Variants in RB1CC1 observed in about 807,000 individuals in gnomAD.
RB1CC1 encodes RB1-inducible coiled-coil protein 1.
A neutral mutation model predicts 177.5 loss-of-function variants in RB1CC1; 46 were observed. The observed-to-expected ratio is 0.26, with a 90% confidence interval of 0.20 to 0.33. The LOEUF is 0.33. RB1CC1 is among the 10% of genes least tolerant of loss of function. The pLI is 1.00. For missense variants in RB1CC1, 1,703 were observed against 1,816.3 expected, an observed-to-expected ratio of 0.94 and a Z score of 1.13; for synonymous variants, 666 against 613.6, an observed-to-expected ratio of 1.09 and a Z score of -1.26.
rs1563353299 is a variant in RB1CC1, at chr8:52,634,944, T to C, written c.4417A>G (p.Asn1473Asp). The C allele has an allele frequency of 1.2e-6, 2 of 1,609,886 alleles. No individual in the cohort carries two copies. The highest frequency in any genetic ancestry group is 8.5e-7 in the Non-Finnish European group (1 of 1,177,666). ...ACCAGTCTTTGATTTAACCGTTTATTTTCTTCTTCTTTCAATTGCAATGTC... is the reference window on the plus strand; with the variant it reads ...ACCAGTCTTTGATTTAACCGTTTATCTTCTTCTTCTTTCAATTGCAATGTC... ...ERTLQLKEEE[N>D]KRLNQRLMSQ... is the part of the protein sequence containing the mutation. The change falls in exon 20 of 24, where the codon AAT (asparagine) becomes GAT (aspartate). Residue 1473 changes from asparagine to aspartate, a missense_variant. Around this residue, in one of 6 missense-constraint regions of RB1CC1, gnomAD observed 1,169 missense variants for 1,184.7 expected, o/e 0.99. Transcript: ENST00000025008.
At chr8:52,634,870 G>A (rs1849010140) in intron 20 of RB1CC1, 51 bp downstream of exon 20, 1 of 1,401,090 alleles carries the variant, frequency 7.1e-7, no homozygotes, top group East Asian at 2.3e-5. Flanking sequence ...GAAATATAAT[G>A]CAAATCATTT....
chr8:52,703,334 C>A (rs1397413717), intron 1 of RB1CC1, among the ~76,000 whole-genome samples: 1 of 152,076 alleles, frequency 6.6e-6, no homozygotes, highest in Non-Finnish European at 1.5e-5. Context: ...CAGATGACAC[C>A]ACCAACTACA....
intron 1 of RB1CC1, among the ~76,000 whole-genome samples, chr8:52,696,954 G>A (rs1028843112): frequency 5.9e-5 from 9 of 152,106 alleles, no homozygotes; most frequent in African/African-American, 2.2e-4. Context: ...AGTGAGCCAA[G>A]ATCACACCAC....
chr8:52,642,565 G>C lies in RB1CC1; in HGVS notation c.4123C>G (p.Arg1375Gly). 4.3e-6 allele frequency: 7 copies of C among 1,613,730 alleles called. No individual in the cohort carries two copies. Among genetic ancestry groups the C allele is most frequent in the Non-Finnish European group, 5.9e-6 (7 of 1,179,920 alleles). ...KDLIESLSED[R>G]ARLLEEKKKL... ...TTCTTTTCCTCAAGCAAACGAGCTC[G>C]ATCTTCAGAAAGTGACTCTATCAAA... The change falls in exon 18 of 24, where the codon CGA becomes GGA. Residue 1375 changes from arginine (R) to glycine (G), a missense_variant. Transcript: ENST00000025008.
chr8:52,697,229 G>C (rs549165345), intron 1 of RB1CC1, among the ~76,000 whole-genome samples: 9 of 145,878 alleles, frequency 6.2e-5, no homozygotes, highest in African/African-American at 2.0e-4. Flanking sequence ...ACATTATGAT[G>C]AATCAGTTAA....
chr8:52,702,673 G>T (rs1856186634), intron 1 of RB1CC1, among the ~76,000 whole-genome samples: 1 of 152,036 alleles, frequency 6.6e-6, no homozygotes, highest in South Asian at 2.1e-4. Flanking sequence ...CCGAGAGCAT[G>T]CCACTGCATT....
intron 1 of RB1CC1, among the ~76,000 whole-genome samples, chr8:52,708,115 A>G (rs977875142): frequency 2.0e-5 from 3 of 152,212 alleles, no homozygotes; most frequent in Admixed American, 2.0e-4. Context: ...TTTTTGTAGC[A>G]GTATCATCAA....
chr8:52,691,742 A>G (rs1352110764), intron 1 of RB1CC1, among the ~76,000 whole-genome samples: 1 of 152,186 alleles, frequency 6.6e-6, no homozygotes, highest in Non-Finnish European at 1.5e-5. Flanking sequence ...GCCAGCTACC[A>G]AAAGTCTACC....
intron 21 of RB1CC1, among the ~76,000 whole-genome samples, chr8:52,629,683 A>G (rs148940889): frequency 4.6e-5 from 7 of 152,334 alleles, no homozygotes; most frequent in Admixed American, 3.9e-4. Flanking sequence ...CAAGCCTGCT[A>G]CCTGGAGGCT....
intron 1 of RB1CC1, among the ~76,000 whole-genome samples, chr8:52,690,859 C>T (rs184739467): frequency 1.1e-3 from 165 of 152,272 alleles, no homozygotes; most frequent in African/African-American, 3.9e-3. Flanking sequence ...TCTCCACATA[C>T]GTATACACAC....
chr8:52,640,052 A>G (rs1218186354), intron 18 of RB1CC1, among the ~76,000 whole-genome samples: 1 of 152,176 alleles, frequency 6.6e-6, no homozygotes, highest in East Asian at 1.9e-4. Flanking sequence ...GTTTTTATTA[A>G]TTCATTTAAA....
chr8:52,651,295 T>C (rs1256194991), intron 15 of RB1CC1, among the ~76,000 whole-genome samples: 1 of 152,148 alleles, frequency 6.6e-6, no homozygotes, highest in Non-Finnish European at 1.5e-5. Context: ...AATGAGATAC[T>C]CTAGATCAAG....
chr8:52,623,495 AG>A lies in RB1CC1; in HGVS notation c.*286del. Reference sequence around the variant, plus strand: ...GGCTCATCATAAGCCACAATGCACAAGGTATGCCCTTTGAGAAAATGAAGTA... The same window carrying A: ...GGCTCATCATAAGCCACAATGCACAAGTATGCCCTTTGAGAAAATGAAGTA... On this transcript the variant is annotated 3_prime_UTR_variant, in exon 24 of 24. Transcript: ENST00000025008. 2.5e-6 allele frequency: 1 copy of A among 405,704 alleles called. No homozygotes were observed. Among genetic ancestry groups the A allele is most frequent in the South Asian group, 2.1e-5 (1 of 48,026 alleles). 25.1% of individuals were successfully genotyped at this position (405,704 alleles called of 1,614,324 possible). A position where few individuals can be genotyped will look rare whatever the true frequency, so the allele number is the denominator to read the frequency against.
Position 52,657,947 on chromosome 8 carries a change from C to T in RB1CC1, c.1921-39G>A. 3 of 1,612,568 alleles carry T rather than the reference C, an allele frequency of 1.9e-6. No homozygotes were observed. The Admixed American group carries it at 5.0e-5, about 27-fold the overall frequency. On this transcript the variant is annotated intron_variant, in intron 14 of 23. Transcript: ENST00000025008. ...AGAAAGGCTTAAAGAGCTGCAGGAA[C>T]ACAAACATTTTACACTAATGAAGAA... is the stretch of plus-strand genomic sequence containing the variant.
intron 5 of RB1CC1, among the ~76,000 whole-genome samples, chr8:52,678,500 G>T (rs1440155000): frequency 6.6e-6 from 1 of 152,152 alleles, no homozygotes; most frequent in African/African-American, 2.4e-5. Flanking sequence ...AACAACAGAG[G>T]TATGAGAGAG....
intron 7 of RB1CC1, among the ~76,000 whole-genome samples, chr8:52,672,654 G>A (rs1346223981): frequency 6.6e-6 from 1 of 152,142 alleles, no homozygotes; most frequent in Non-Finnish European, 1.5e-5. Context: ...GCTGAGGTGG[G>A]AGGGTTGCCT....
At chr8:52,626,280 A>T (rs1848383908) in intron 22 of RB1CC1, among the ~76,000 whole-genome samples, 1 of 152,238 alleles carries the variant, frequency 6.6e-6, no homozygotes, top group South Asian at 2.1e-4. Context: ...TGCTAAATAA[A>T]TAAATTCTTT....
At position 52,630,606 on chromosome 8, in the gene RB1CC1, T is replaced by C. The variant is rs1590911800; in HGVS notation, c.4441-78A>G. 9.8e-6 allele frequency: 14 copies of C among 1,423,954 alleles called. No homozygotes were observed. The South Asian group carries it at 2.0e-4, about 20-fold the overall frequency. 88.2% of individuals were successfully genotyped at this position (1,423,954 alleles called of 1,614,324 possible). On this transcript the variant is annotated intron_variant, in intron 20 of 23. Coordinates refer to ENST00000025008, the MANE Select transcript of RB1CC1 (RefSeq NM_014781.5). ...TTCTTACTGCAAAAATTTCACCCAC[T>C]GTTATACACATTCAAGCCTGTGTCC...
intron 15 of RB1CC1, 55 bp downstream of exon 15, chr8:52,655,953 C>A: frequency 7.4e-7 from 1 of 1,347,774 alleles, no homozygotes; most frequent in Non-Finnish European, 1.0e-6. Flanking sequence ...TGATTACACA[C>A]AAACGAATCA....
Sources: allele counts gnomAD v4.1 joint callset (sites outside exome capture counted in the v4.1 genomes callset), GRCh38; gene constraint gnomAD v4.1.1; regional missense constraint gnomAD v4.1.1; transcripts MANE v1.5; gene names NCBI Gene and HGNC (gene_info 2026-07-23, HGNC 2026-07-21).